The following DIAPH3 variants were observed in gnomAD, a reference collection of about 807,000 sequenced individuals.
DIAPH3 encodes the protein protein diaphanous homolog 3.
A neutral mutation model predicts 144.3 loss-of-function variants in DIAPH3; 117 were observed. The observed-to-expected ratio is 0.81, with a 90% confidence interval of 0.70 to 0.95. The LOEUF (loss-of-function observed/expected upper bound fraction) is 0.95. DIAPH3 is among the 40% of genes least tolerant of loss of function. DIAPH3 has a pLI of 0.00. For missense variants in DIAPH3, 1,421 were observed against 1,412.7 expected, an observed-to-expected ratio of 1.01 and a Z score of -0.09; for synonymous variants, 519 against 488.9, an observed-to-expected ratio of 1.06 and a Z score of -0.81.
intron 5 of DIAPH3, among the ~76,000 whole-genome samples, chr13:60,023,890 C>T (rs1252887948): frequency 1.7e-5 from 2 of 119,454 alleles, no homozygotes; most frequent in African/African-American, 6.4e-5. Context: ...GAGTCTCGCT[C>T]TGTCGCCCAG....
intron 5 of DIAPH3, among the ~76,000 whole-genome samples, chr13:60,037,205 A>C (rs2055292772): frequency 6.6e-6 from 1 of 152,084 alleles, no homozygotes; most frequent in African/African-American, 2.4e-5. Flanking sequence ...ATTTTCAAAC[A>C]GAATTTTGCC....
At chr13:59,771,844 T>A (rs364646) in intron 27 of DIAPH3, among the ~76,000 whole-genome samples, 20 of 151,834 alleles carry the variant, frequency 1.3e-4, no homozygotes, top group African/African-American at 4.6e-4. Flanking sequence ...ATGCATAAAA[T>A]ATTCATCATA....
At chr13:60,011,981 A>G (rs2053300694) in intron 7 of DIAPH3, among the ~76,000 whole-genome samples, 1 of 152,170 alleles carries the variant, frequency 6.6e-6, no homozygotes, top group Non-Finnish European at 1.5e-5. Flanking sequence ...CTATTTATCT[A>G]GCATGCATCT....
intron 17 of DIAPH3, among the ~76,000 whole-genome samples, chr13:59,951,580 CATAATT>C (rs2049101588): frequency 6.6e-6 from 1 of 152,122 alleles, no homozygotes; most frequent in South Asian, 2.1e-4. Context: ...CAATAAACTT[CATAATT>C]AAATACTATT....
chr13:59,955,253 C>T (rs1171262846), intron 17 of DIAPH3, among the ~76,000 whole-genome samples: 1 of 152,006 alleles, frequency 6.6e-6, no homozygotes, highest in African/African-American at 2.4e-5. Context: ...CCCATAATCC[C>T]ATCATGGGAG....
At chr13:60,059,811 ATATTCT>A (rs1209368850) in intron 4 of DIAPH3, among the ~76,000 whole-genome samples, 26 of 152,002 alleles carry the variant, frequency 1.7e-4, no homozygotes, top group Admixed American at 2.0e-4. Flanking sequence ...AAATCCACTG[ATATTCT>A]TAGTCATTGG....
chr13:59,883,740 A>G (rs2045242245), intron 20 of DIAPH3, among the ~76,000 whole-genome samples: 1 of 152,190 alleles, frequency 6.6e-6, no homozygotes, highest in South Asian at 2.1e-4. Flanking sequence ...GTGGAAATTA[A>G]GAACCACAAT....
At chr13:59,910,220 C>T (rs2046925078) in intron 20 of DIAPH3, among the ~76,000 whole-genome samples, 1 of 150,062 alleles carries the variant, frequency 6.7e-6, no homozygotes, top group African/African-American at 2.4e-5. Context: ...AAATGTAATG[C>T]AAATTCTCCC....
intron 17 of DIAPH3, among the ~76,000 whole-genome samples, chr13:59,928,951 C>T (rs2047885820): frequency 6.6e-6 from 1 of 152,028 alleles, no homozygotes; most frequent in Admixed American, 6.6e-5. Flanking sequence ...GGCGAGGTCG[C>T]TATTGGACAA....
At chr13:59,944,205 C>T (rs1404379210) in intron 17 of DIAPH3, among the ~76,000 whole-genome samples, 1 of 149,666 alleles carries the variant, frequency 6.7e-6, no homozygotes, top group South Asian at 2.1e-4. Flanking sequence ...CTGAGCATGA[C>T]ACTGTCTCAA....
At position 59,747,086 on chromosome 13, in the gene DIAPH3, C is replaced by T. The variant is rs59356217; in HGVS notation, c.3319+27103G>A. 2.5e-4 allele frequency among the ~76,000 whole-genome samples: 38 copies of T among 152,216 alleles called. No individual in the cohort carries two copies. The East Asian group carries it at 6.6e-3, about 26-fold the overall frequency. On this transcript the variant is annotated intron_variant, in intron 27 of 27. Coordinates refer to ENST00000400324, the MANE Select transcript of DIAPH3 (RefSeq NM_001042517.2). ...AATAAAAATAATTCAGATAACATCACTAAGCTGCAAAGAAGTCATATTTGG... is the reference window on the plus strand; with the variant it reads ...AATAAAAATAATTCAGATAACATCATTAAGCTGCAAAGAAGTCATATTTGG...
chr13:59,674,127 C>A (rs928135398), intron 27 of DIAPH3, among the ~76,000 whole-genome samples: 9 of 152,178 alleles, frequency 5.9e-5, no homozygotes, highest in African/African-American at 2.2e-4. Flanking sequence ...TTAACTTCAA[C>A]TAGCTGGTGT....
intron 20 of DIAPH3, among the ~76,000 whole-genome samples, chr13:59,894,240 T>C (rs1294781439): frequency 6.6e-6 from 1 of 152,050 alleles, no homozygotes; most frequent in African/African-American, 2.4e-5. Flanking sequence ...TGGGAGATAC[T>C]AAAATGTGGG....
At chr13:60,072,300 G>A (rs2057239659) in intron 4 of DIAPH3, among the ~76,000 whole-genome samples, 1 of 152,050 alleles carries the variant, frequency 6.6e-6, no homozygotes, top group Admixed American at 6.6e-5. Flanking sequence ...TGTAGCAGCT[G>A]GTCGTTGTCC....
At chr13:60,004,080 T>C (rs1184570686) in intron 9 of DIAPH3, among the ~76,000 whole-genome samples, 2 of 152,234 alleles carry the variant, frequency 1.3e-5, no homozygotes, top group South Asian at 2.1e-4. Context: ...GTCATAAATA[T>C]ACTTTGCAGT....
At position 59,666,549 on chromosome 13, in the gene DIAPH3, T is replaced by A; in HGVS notation, c.*35A>T. The A allele has an allele frequency of 6.2e-7, 1 of 1,612,812 alleles. No individual in the cohort carries two copies. Among genetic ancestry groups the A allele is most frequent in the Non-Finnish European group, 8.5e-7 (1 of 1,179,386 alleles). ...TATAGTTTAGAGCATGGCTTTATATTTGGCTTAATCATTTTTTTTAAAAAC... is the reference window on the plus strand; with the variant it reads ...TATAGTTTAGAGCATGGCTTTATATATGGCTTAATCATTTTTTTTAAAAAC... On this transcript the variant is annotated 3_prime_UTR_variant, in exon 28 of 28. Coordinates refer to ENST00000400324, the MANE Select transcript of DIAPH3 (RefSeq NM_001042517.2).
chr13:59,689,933 A>T (rs1013525202), intron 27 of DIAPH3, among the ~76,000 whole-genome samples: 9 of 152,060 alleles, frequency 5.9e-5, no homozygotes, highest in Non-Finnish European at 8.8e-5. Flanking sequence ...ACTCTATCCA[A>T]ATAATGTTAA....
At chr13:59,749,633 A>G (rs2036896956) in intron 27 of DIAPH3, among the ~76,000 whole-genome samples, 1 of 151,758 alleles carries the variant, frequency 6.6e-6, no homozygotes, top group Non-Finnish European at 1.5e-5. Flanking sequence ...ATAATTCACA[A>G]TTTTATATGC....
chr13:59,715,426 G>A (rs150040996), intron 27 of DIAPH3, among the ~76,000 whole-genome samples: 141 of 152,214 alleles, frequency 9.3e-4, no homozygotes, highest in African/African-American at 3.1e-3. Flanking sequence ...TGACTAGAAG[G>A]CATAATTTTA....
Sources: gnomAD v4.1 joint callset for allele counts (sites outside exome capture counted in the v4.1 genomes callset) on GRCh38, gnomAD v4.1.1 for gene constraint, MANE v1.5 for transcripts, NCBI Gene and HGNC (gene_info 2026-07-23, HGNC 2026-07-21) for gene names.